The following CDK11B variants were observed in gnomAD, a reference collection of about 807,000 sequenced individuals.
CDK11B encodes the protein cyclin dependent kinase 11B.
In CDK11B, 37 loss-of-function variants were observed where a neutral mutation model predicts 84.0. The ratio of observed to expected loss-of-function variants is 0.44; its 90% confidence interval spans 0.34 to 0.58. CDK11B has a LOEUF of 0.58. Among genes scored for constraint, CDK11B ranks in the 20% least tolerant of loss-of-function variants. The probability of loss-of-function intolerance (pLI) is 0.02; values close to 1 mark genes in which losing one functional copy is unlikely to be tolerated. For missense variants in CDK11B, 427 were observed against 834.0 expected (o/e 0.51, Z 6.01); for synonymous variants, 269 against 309.8 (o/e 0.87, Z 1.38).
intron 1 of CDK11B, among the ~76,000 whole-genome samples, chr1:1,658,406 G>A (rs1333817728): frequency 2.0e-5 from 3 of 149,866 alleles, no homozygotes. Flanking sequence ...CTTGGGTAAC[G>A]TAATTCACCT....
intron 6 of CDK11B, among the ~76,000 whole-genome samples, chr1:1,643,483 A>G (rs906544050): frequency 6.6e-6 from 1 of 151,178 alleles, no homozygotes; most frequent in Non-Finnish European, 1.5e-5. Context: ...TTCAGAGGGG[A>G]AAAAAAGAAG....
chr1:1,657,194 CT>C (rs1490822876), intron 2 of CDK11B, 180 bp downstream of exon 2: 1 of 1,613,580 alleles, frequency 6.2e-7, no homozygotes, highest in Admixed American at 1.7e-5. Context: ...TTAAATCTGC[CT>C]TTAATGTCAA....
chr1:1,656,800 T>A (rs1028293790), intron 2 of CDK11B, among the ~76,000 whole-genome samples: 19 of 152,040 alleles, frequency 1.2e-4, no homozygotes, highest in African/African-American at 3.6e-4. Flanking sequence ...AAATGCTCAA[T>A]GCAGAGTTGC....
chr1:1,650,664 CTTTTTTTTTT>C (rs1185570412), intron 4 of CDK11B, among the ~76,000 whole-genome samples: 3 of 114,984 alleles, frequency 2.6e-5, no homozygotes, highest in African/African-American at 6.0e-5. Context: ...CGCGCCCGGC[CTTTTTTTTTT>C]TTTTTTTTTT....
chr1:1,641,037 G>A lies in CDK11B; in HGVS notation c.1075+11C>T, dbSNP rs1640214609. On this transcript the variant is annotated intron_variant, in intron 10 of 19. Transcript: ENST00000341832. The stretch of plus-strand genomic sequence containing the variant: ...ACAAGGAGGGGGCTCTGTCTCCAGG[G>A]AGGTTCTTACCAACCAAGAGGTGGT... 3 of 1,571,224 alleles carry A rather than the reference G, an allele frequency of 1.9e-6. No individual in the cohort carries two copies. The highest frequency in any genetic ancestry group is 1.4e-5 in the African/African-American group (1 of 72,686).
intron 16 of CDK11B, 47 bp downstream of exon 16, chr1:1,636,850 G>C: frequency 1.9e-6 from 3 of 1,612,794 alleles, no homozygotes; most frequent in Non-Finnish European, 2.5e-6. Context: ...GAAGCTGTGG[G>C]AGGCTGCGTG....
intron 4 of CDK11B, among the ~76,000 whole-genome samples, chr1:1,650,371 T>TG (rs1260806475): frequency 1.8e-4 from 12 of 66,970 alleles, no homozygotes; most frequent in African/African-American, 9.7e-4. Flanking sequence ...CTTTTTTTTC[T>TG]TTTTTTTTTT....
Position 1,637,161 on chromosome 1 carries a change from T to G in CDK11B, c.1612A>C (p.Lys538Gln). Residue 538 changes from lysine to glutamine, a missense_variant, in exon 15 of 20, where the codon AAA (lysine) becomes CAA (glutamine). By Grantham distance (53) the Lys-to-Gln change is moderately conservative. Transcript: ENST00000341832. ...TLMIQLLRGV[K>Q]HLHDNWILHR... is the part of the protein sequence containing the mutation. The stretch of plus-strand genomic sequence containing the variant: ...AGGATCCAGTTGTCGTGCAGGTGTT[T>G]CACCCCACGCAGCAGCTGGATCATC... 1 of 1,613,496 alleles carries G rather than the reference T, an allele frequency of 6.2e-7. No homozygotes were observed. The highest frequency in any genetic ancestry group is 2.2e-5 in the East Asian group (1 of 44,882).
chr1:1,649,309 G>C (rs1489821689), intron 5 of CDK11B, among the ~76,000 whole-genome samples, 190 bp downstream of exon 5: 1 of 151,906 alleles, frequency 6.6e-6, no homozygotes, highest in Non-Finnish European at 1.5e-5. Context: ...CACCATGTCA[G>C]CCAGGATGGT....
intron 5 of CDK11B, 38 bp downstream of exon 5, chr1:1,649,461 C>G (rs1641608937): frequency 7.0e-7 from 1 of 1,420,084 alleles, no homozygotes; most frequent in African/African-American, 1.4e-5. Flanking sequence ...ACTACCACAG[C>G]CCTTTTATAA....
At chr1:1,656,537 C>T (rs1191441563) in intron 2 of CDK11B, among the ~76,000 whole-genome samples, 2 of 152,204 alleles carry the variant, frequency 1.3e-5, no homozygotes, top group African/African-American at 4.8e-5. Flanking sequence ...CTGTTGTAAT[C>T]CCAGCACTTT....
intron 4 of CDK11B, among the ~76,000 whole-genome samples, chr1:1,651,281 T>A: frequency 6.6e-6 from 1 of 152,188 alleles, no homozygotes; most frequent in Non-Finnish European, 1.5e-5. Context: ...AACAATATAA[T>A]GGGGGAGAGA....
At chr1:1,653,980 G>T (rs528650643) in intron 3 of CDK11B, among the ~76,000 whole-genome samples, 1 of 152,100 alleles carries the variant, frequency 6.6e-6, no homozygotes, top group Admixed American at 6.6e-5. Flanking sequence ...GTGCACTCCA[G>T]CCTGGGCGAC....
At position 1,637,774 on chromosome 1, in the gene CDK11B, G is replaced by T; in HGVS notation, c.1452C>A (p.Ile484=). Residue 484 remains isoleucine, a synonymous_variant, in exon 13 of 20, where the codon ATC becomes ATA. Transcript: ENST00000341832. ...NTILKAQHPN[I]VTVREIVVGS... is the part of the protein sequence containing the mutation. ...GGGCCATGCTCACTCTAACGGTGAC[G>T]ATGTTGGGATGCTGGGCCTTGAGGA... 1 of 1,612,314 alleles carries T rather than the reference G, an allele frequency of 6.2e-7. No individual in the cohort carries two copies. Among genetic ancestry groups the T allele is most frequent in the Non-Finnish European group, 8.5e-7 (1 of 1,179,358 alleles).
rs556825525 is a variant in CDK11B at position 1,655,265 on chromosome 1, C to T, written c.227+104G>A. 9.4e-6 allele frequency: 13 copies of T among 1,384,986 alleles called. No homozygotes were observed. In the Admixed American group the frequency reaches 3.1e-4, roughly 33 times the overall value. The allele number at this position is 1,384,986 out of a possible 1,614,324, so 85.8% of individuals were successfully genotyped here. A position where few individuals can be genotyped will look rare whatever the true frequency, so the allele number is the denominator to read the frequency against. ...ACAGTAACTCTAGGAAAGAGTAAAC[C>T]TTAATAGTTACAACAGCACACAGTT... On this transcript the variant is annotated intron_variant, in intron 3 of 19. Coordinates refer to ENST00000341832, the MANE Select transcript of CDK11B (RefSeq NM_033486.3).
intron 11 of CDK11B, 121 bp downstream of exon 11, chr1:1,640,156 A>C (rs1640046214): frequency 9.3e-7 from 1 of 1,078,620 alleles, no homozygotes; most frequent in African/African-American, 1.6e-5. Context: ...TCACTGCCCC[A>C]GTGGGCCCAG....
intron 5 of CDK11B, among the ~76,000 whole-genome samples, chr1:1,647,805 T>C (rs1185000820): frequency 2.0e-5 from 3 of 152,204 alleles, no homozygotes; most frequent in Non-Finnish European, 4.4e-5. Flanking sequence ...CCACTGAGGA[T>C]GCTGGTGGGC....
intron 2 of CDK11B, among the ~76,000 whole-genome samples, chr1:1,656,408 T>C (rs1385769382): frequency 6.6e-6 from 1 of 152,068 alleles, no homozygotes; most frequent in East Asian, 1.9e-4. Flanking sequence ...GGAGAACTGC[T>C]TGAACACAGG....
chr1:1,654,045 T>C (rs1642392036), intron 3 of CDK11B: 1 of 424,758 alleles, frequency 2.4e-6, no homozygotes, highest in Admixed American at 2.8e-5. Context: ...ATCTTCATAA[T>C]CTCAAAGCGT....
Sources: gnomAD v4.1 joint callset for allele counts (sites outside exome capture counted in the v4.1 genomes callset) on GRCh38, gnomAD v4.1.1 for gene constraint, MANE v1.5 for transcripts, NCBI Gene and HGNC (gene_info 2026-07-23, HGNC 2026-07-21) for gene names.